The following SEMA3A variants were observed in gnomAD, a reference collection of about 807,000 sequenced individuals.
The protein encoded by SEMA3A is semaphorin-3A.
Under a neutral mutation model 97.9 loss-of-function variants are expected in SEMA3A, and 29 were observed. The ratio of observed to expected loss-of-function variants is 0.30; its 90% CI spans 0.22 to 0.40. SEMA3A has a LOEUF of 0.40. Ranked by LOEUF, SEMA3A falls within the 10% of genes least tolerant of loss-of-function variation. The probability of loss-of-function intolerance (pLI) is 1.00; values close to 1 mark genes in which losing one functional copy is unlikely to be tolerated. For synonymous variants in SEMA3A, 321 were observed against 323.7 expected (o/e 0.99, Z 0.09); for missense variants, 763 against 951.3 (o/e 0.80, Z 2.60).
At chr7:84,031,700 G>A (rs996794608) in intron 6 of SEMA3A, among the ~76,000 whole-genome samples, 1 of 151,992 alleles carries the variant, frequency 6.6e-6, no homozygotes, top group African/African-American at 2.4e-5. Context: ...GCTGGGTGTG[G>A]TGGTGCATGC....
chr7:84,195,866 C>T (rs1340534449), upstream of SEMA3A, among the ~76,000 whole-genome samples: 1 of 152,148 alleles, frequency 6.6e-6, no homozygotes, highest in Admixed American at 6.5e-5. Flanking sequence ...TCTGTGTCTT[C>T]ATGAGCTGCT....
At chr7:84,081,646 C>T (rs973362549) in intron 4 of SEMA3A, among the ~76,000 whole-genome samples, 1 of 149,654 alleles carries the variant, frequency 6.7e-6, no homozygotes, top group African/African-American at 2.5e-5. Flanking sequence ...TTATCAATGT[C>T]GATGAGTAAT....
At chr7:84,317,467 GA>G (rs1187822556) in intron 2 of SEMA3A, among the ~76,000 whole-genome samples, 1 of 151,992 alleles carries the variant, frequency 6.6e-6, no homozygotes. Context: ...TATGTGTGTG[GA>G]ATAGAGCTTT....
intron 3 of SEMA3A, among the ~76,000 whole-genome samples, chr7:84,219,284 A>C (rs1798820002): frequency 6.6e-6 from 1 of 152,242 alleles, no homozygotes; most frequent in Non-Finnish European, 1.5e-5. Flanking sequence ...AAGTCTTTTC[A>C]GATGTCTGAC....
intron 2 of SEMA3A, among the ~76,000 whole-genome samples, chr7:84,131,008 T>C (rs552626425): frequency 6.6e-6 from 1 of 152,126 alleles, no homozygotes; most frequent in Admixed American, 6.6e-5. Context: ...TTCTTTTATC[T>C]AAGTAAAATA....
chr7:84,430,314 A>G (rs1028285061), intron 1 of SEMA3A, among the ~76,000 whole-genome samples: 7 of 151,988 alleles, frequency 4.6e-5, no homozygotes, highest in Non-Finnish European at 2.9e-5. Flanking sequence ...AGTTTTAAAA[A>G]TTGAGACATA....
chr7:84,345,031 T>C (rs1802263033), intron 2 of SEMA3A, among the ~76,000 whole-genome samples: 2 of 152,184 alleles, frequency 1.3e-5, no homozygotes, highest in South Asian at 4.1e-4. Flanking sequence ...ATAGACACTA[T>C]ACCAAAGAAT....
At chr7:84,313,499 C>T (rs1417870182) in intron 2 of SEMA3A, among the ~76,000 whole-genome samples, 1 of 149,230 alleles carries the variant, frequency 6.7e-6, no homozygotes, top group Non-Finnish European at 1.5e-5. Flanking sequence ...AATGTTTGCA[C>T]TGTCTCCTAT....
intron 3 of SEMA3A, among the ~76,000 whole-genome samples, chr7:84,219,371 T>A (rs961071649): frequency 5.9e-5 from 9 of 152,018 alleles, no homozygotes; most frequent in Non-Finnish European, 1.3e-4. Flanking sequence ...TCTACAGAGA[T>A]CTTATTAAGG....
chr7:84,303,506 G>T (rs963947245), intron 3 of SEMA3A, among the ~76,000 whole-genome samples: 1 of 151,372 alleles, frequency 6.6e-6, no homozygotes, highest in Non-Finnish European at 1.5e-5. Context: ...GTAACAATTA[G>T]TAACAGCTAA....
intron 1 of SEMA3A, among the ~76,000 whole-genome samples, chr7:84,453,877 C>CT (rs71524608): frequency 2.0e-5 from 3 of 151,952 alleles, no homozygotes; most frequent in Admixed American, 1.3e-4. Flanking sequence ...TCTAGTTACA[C>CT]TTTTTTTTCT....
chr7:84,367,004 T>C (rs575999414), intron 2 of SEMA3A, among the ~76,000 whole-genome samples: 2 of 151,248 alleles, frequency 1.3e-5, no homozygotes, highest in African/African-American at 4.8e-5. Flanking sequence ...AAAACCTTAA[T>C]TTTTGAATAA....
At chr7:84,223,055 T>C (rs141755621) in intron 3 of SEMA3A, among the ~76,000 whole-genome samples, 2 of 151,970 alleles carry the variant, frequency 1.3e-5, no homozygotes, top group East Asian at 1.9e-4. Flanking sequence ...GCAGGTTCCT[T>C]TGGCATGGCA....
At chr7:84,055,984 G>A (rs944869712) in intron 5 of SEMA3A, among the ~76,000 whole-genome samples, 4 of 152,122 alleles carry the variant, frequency 2.6e-5, no homozygotes, top group African/African-American at 9.7e-5. Flanking sequence ...TACATTAAAA[G>A]GTGGTTGTGA....
intron 1 of SEMA3A, among the ~76,000 whole-genome samples, chr7:84,432,679 G>A (rs570893227): frequency 1.3e-5 from 2 of 151,936 alleles, no homozygotes; most frequent in African/African-American, 4.8e-5. Context: ...TAGGATAATT[G>A]TCTCCAGCTT....
chr7:83,997,740 T>A (rs2116373937), intron 12 of SEMA3A, among the ~76,000 whole-genome samples: 1 of 151,710 alleles, frequency 6.6e-6, no homozygotes, highest in East Asian at 1.9e-4. Flanking sequence ...ATAATGAAAT[T>A]TTTCTTTTTT....
chr7:84,399,742 T>G (rs971478505), intron 1 of SEMA3A, among the ~76,000 whole-genome samples: 2 of 152,190 alleles, frequency 1.3e-5, no homozygotes, highest in Non-Finnish European at 2.9e-5. Context: ...CTGGTTAAAA[T>G]GGCCTCTGGC....
At chr7:84,365,980 A>G (rs1802838472) in intron 2 of SEMA3A, among the ~76,000 whole-genome samples, 1 of 151,526 alleles carries the variant, frequency 6.6e-6, no homozygotes, top group Non-Finnish European at 1.5e-5. Context: ...CATAAACTAA[A>G]AAAAGTGGAG....
intron 1 of SEMA3A, among the ~76,000 whole-genome samples, chr7:84,408,105 C>T (rs1804155064): frequency 6.6e-6 from 1 of 152,124 alleles, no homozygotes; most frequent in Non-Finnish European, 1.5e-5. Flanking sequence ...AGTGAATAGG[C>T]AACCTACAGA....
Sources: gnomAD v4.1 joint callset for allele counts (sites outside exome capture counted in the v4.1 genomes callset) on GRCh38, gnomAD v4.1.1 for gene constraint, MANE v1.5 for transcripts, NCBI Gene and HGNC (gene_info 2026-07-23, HGNC 2026-07-21) for gene names.